Variants in CFTR observed in about 807,000 individuals in gnomAD.
CFTR encodes CF transmembrane conductance regulator, also known as cystic fibrosis transmembrane conductance regulator.
Under a neutral mutation model 171.6 loss-of-function variants are expected in CFTR, and 181 were observed. The ratio of observed to expected loss-of-function variants is 1.05; its 90% CI spans 0.93 to 1.19. The LOEUF is 1.19. CFTR is among the 50% of genes most tolerant of loss of function. CFTR has a pLI of 0.00. For synonymous variants in CFTR, 583 were observed against 608.0 expected (o/e 0.96, Z 0.60); for missense variants, 1,968 against 1,734.7 (o/e 1.13, Z -2.39).
chr7:117,501,772 G>T (rs199689242), intron 1 of CFTR, among the ~76,000 whole-genome samples: 57 of 73,544 alleles, frequency 7.8e-4, no homozygotes, highest in East Asian at 3.7e-3. Context: ...AAAAAAAAAA[G>T]AAACAAAAAA....
chr7:117,566,226 G>C (rs1243200257), intron 11 of CFTR, among the ~76,000 whole-genome samples: 1 of 149,528 alleles, frequency 6.7e-6, no homozygotes, highest in Non-Finnish European at 1.5e-5. Context: ...AGGAGGCCAG[G>C]AGTTCAAGAC....
intron 23 of CFTR, 74 bp from the exon 24 acceptor site, chr7:117,652,768 A>G (rs1793106510): frequency 4.0e-6 from 3 of 741,032 alleles, no homozygotes. Flanking sequence ...GAAATATTTT[A>G]CAATACAATA....
intron 11 of CFTR, among the ~76,000 whole-genome samples, chr7:117,562,931 C>A (rs1791538819): frequency 6.6e-6 from 1 of 152,140 alleles, no homozygotes; most frequent in Non-Finnish European, 1.5e-5. Flanking sequence ...TAGAACCAGA[C>A]AGAACCAGAG....
At chr7:117,549,933 C>T (rs1043595366) in intron 10 of CFTR, among the ~76,000 whole-genome samples, 4 of 152,106 alleles carry the variant, frequency 2.6e-5, no homozygotes, top group Non-Finnish European at 5.9e-5. Context: ...TTAAGAAAGA[C>T]TCCTGAAAGG....
At chr7:117,546,952 A>G (rs1005976617) in intron 9 of CFTR, among the ~76,000 whole-genome samples, 17 of 152,198 alleles carry the variant, frequency 1.1e-4, no homozygotes, top group African/African-American at 3.9e-4. Context: ...GTACTGCCAT[A>G]TGACGTGGTG....
chr7:117,580,467 C>T (rs1212625830), intron 11 of CFTR, among the ~76,000 whole-genome samples: 1 of 151,976 alleles, frequency 6.6e-6, no homozygotes, highest in Non-Finnish European at 1.5e-5. Flanking sequence ...AGGAACCTGA[C>T]AATATCTTTT....
intron 3 of CFTR, among the ~76,000 whole-genome samples, chr7:117,518,410 T>C (rs1477704522): frequency 6.8e-6 from 1 of 147,052 alleles, no homozygotes; most frequent in Non-Finnish European, 1.5e-5. Context: ...TTTATATATA[T>C]GATTATAATA....
At chr7:117,538,463 T>C (rs571404963) in intron 7 of CFTR, among the ~76,000 whole-genome samples, 1 of 152,316 alleles carries the variant, frequency 6.6e-6, no homozygotes, top group South Asian at 2.1e-4. Flanking sequence ...TTTTTTCTTA[T>C]AGTACCTATT....
chr7:117,573,869 A>G (rs1241984676), intron 11 of CFTR, among the ~76,000 whole-genome samples: 1 of 152,116 alleles, frequency 6.6e-6, no homozygotes, highest in East Asian at 1.9e-4. Flanking sequence ...CCAGCATCTT[A>G]ATTCCAATGA....
At chr7:117,613,665 T>C (rs1318695855) in intron 20 of CFTR, among the ~76,000 whole-genome samples, 3 of 152,156 alleles carry the variant, frequency 2.0e-5, no homozygotes, top group Non-Finnish European at 2.9e-5. Context: ...CTTGCCTATA[T>C]GAAAATAATT....
At chr7:117,533,066 A>G (rs1015165603) in intron 4 of CFTR, among the ~76,000 whole-genome samples, 1 of 152,196 alleles carries the variant, frequency 6.6e-6, no homozygotes, top group South Asian at 2.1e-4. Flanking sequence ...AGCTTTGCCT[A>G]TACTTTTCAA....
intron 23 of CFTR, among the ~76,000 whole-genome samples, chr7:117,642,829 A>G (rs1792941448): frequency 1.3e-5 from 2 of 152,140 alleles, no homozygotes; most frequent in African/African-American, 2.4e-5. Context: ...CAGAAGACCA[A>G]ATTTACAGTG....
At chr7:117,630,901 C>T (rs1457781015) in intron 22 of CFTR, among the ~76,000 whole-genome samples, 1 of 152,116 alleles carries the variant, frequency 6.6e-6, no homozygotes, top group Non-Finnish European at 1.5e-5. Flanking sequence ...AGGGCATGCA[C>T]AGAAAACAGT....
At chr7:117,525,107 A>G (rs1344728943) in intron 3 of CFTR, among the ~76,000 whole-genome samples, 2 of 152,154 alleles carry the variant, frequency 1.3e-5, no homozygotes, top group Admixed American at 6.6e-5. Context: ...GAGGTTGGCA[A>G]TTTTCTTTTT....
At chr7:117,559,696 C>T (rs1289456569) in intron 11 of CFTR, 41 bp downstream of exon 11, 2 of 1,330,246 alleles carry the variant, frequency 1.5e-6, no homozygotes. Flanking sequence ...TGCATATGAA[C>T]CCTTCACACT....
At chr7:117,574,069 C>A (rs1450526527) in intron 11 of CFTR, among the ~76,000 whole-genome samples, 1 of 151,978 alleles carries the variant, frequency 6.6e-6, no homozygotes, top group Non-Finnish European at 1.5e-5. Flanking sequence ...ATTATACTTT[C>A]ATGGAAGGGA....
chr7:117,666,888 A>G lies in CFTR; in HGVS notation c.4243-20A>G, dbSNP rs138025486. On this transcript the variant is annotated intron_variant, in intron 26 of 26. Transcript: ENST00000003084. ...TGACCTGCCTTCTGTCCCAGATCTC[A>G]CTAACAGCCATTTCCCTAGGTCATA... 207 of 1,612,420 alleles carry G rather than the reference A, an allele frequency of 1.3e-4. No individual in the cohort carries two copies. In the African/African-American group the frequency reaches 2.4e-3, roughly 19 times the overall value.
intron 11 of CFTR, among the ~76,000 whole-genome samples, chr7:117,565,151 C>A (rs1393795265): frequency 6.6e-6 from 1 of 152,140 alleles, no homozygotes; most frequent in African/African-American, 2.4e-5. Flanking sequence ...ATTTTTCTTC[C>A]CCTGTGTCCA....
chr7:117,631,927 G>A (rs1792753323), intron 22 of CFTR, among the ~76,000 whole-genome samples: 2 of 152,174 alleles, frequency 1.3e-5, no homozygotes, highest in African/African-American at 4.8e-5. Flanking sequence ...ACAGGAATGA[G>A]CCCTTATCCT....
Sources: allele counts gnomAD v4.1 joint callset (sites outside exome capture counted in the v4.1 genomes callset), GRCh38; gene constraint gnomAD v4.1.1; transcripts MANE v1.5; gene names NCBI Gene and HGNC (gene_info 2026-07-23, HGNC 2026-07-21).